CUX2: variants seen among roughly 807,000 people sequenced by gnomAD.
The protein encoded by CUX2 is cut like homeobox 2.
CUX2 carries 40 observed loss-of-function variants against 144.8 expected under a neutral mutation model. That is an observed-to-expected ratio of 0.28 (90% CI 0.21 to 0.36). CUX2 has a LOEUF of 0.36. CUX2 is among the 10% of genes least tolerant of loss of function. The pLI is 1.00. For missense variants in CUX2, 1,615 were observed against 1,994.0 expected (o/e 0.81, Z 3.62); for synonymous variants, 827 against 875.6 (o/e 0.94, Z 0.98).
chr12:111,035,177 G>A lies in CUX2; in HGVS notation c.63+937G>A, dbSNP rs1265287864. Among the ~76,000 whole-genome samples, 2 of 152,188 alleles carry A rather than the reference G, an allele frequency of 1.3e-5. No individual in the cohort carries two copies. The highest frequency in any genetic ancestry group is 2.4e-5 in the African/African-American group (1 of 41,454). Reference sequence around the variant, plus strand: ...TCTGCCTCCTGCGTTTCTCCCCGCTGCTCCCCTCGTCTCCTCTCTCCCGTC... The same window carrying A: ...TCTGCCTCCTGCGTTTCTCCCCGCTACTCCCCTCGTCTCCTCTCTCCCGTC... On this transcript the variant is annotated intron_variant, in intron 1 of 21. Transcript: ENST00000261726. This position sits in a 1 kb window ranked among gnomAD's most constrained non-coding sequence, Gnocchi z 6.0.
chr12:111,326,446 G>C (rs932008346), intron 18 of CUX2, among the ~76,000 whole-genome samples: 1 of 150,174 alleles, frequency 6.7e-6, no homozygotes, highest in Non-Finnish European at 1.5e-5. Context: ...TTATAGTCTT[G>C]TGGTGGGGTA....
At chr12:111,124,058 A>T (rs551840197) in intron 1 of CUX2, among the ~76,000 whole-genome samples, 1 of 152,334 alleles carries the variant, frequency 6.6e-6, no homozygotes, top group Admixed American at 6.5e-5. Flanking sequence ...TAGTACATTC[A>T]TAGTGTTGTG....
At chr12:111,272,884 A>G (rs1054359729) in intron 4 of CUX2, among the ~76,000 whole-genome samples, 1 of 152,202 alleles carries the variant, frequency 6.6e-6, no homozygotes, top group Non-Finnish European at 1.5e-5. Flanking sequence ...TCCTCCCAGC[A>G]GCTCAGGGTT....
At chr12:111,189,241 C>T (rs2136191868) in intron 1 of CUX2, among the ~76,000 whole-genome samples, 1 of 152,274 alleles carries the variant, frequency 6.6e-6, no homozygotes, top group Middle Eastern at 3.4e-3. Context: ...CTCTATACTC[C>T]AGCCTGGGTG....
rs1359905002 is a variant in CUX2 at position 111,249,437 on chromosome 12, C to CTT, written c.223-14318_223-14317dup. On this transcript the variant is annotated intron_variant, in intron 3 of 21. Coordinates refer to ENST00000261726, the MANE Select transcript of CUX2 (RefSeq NM_015267.4). ...TTTTTTTTTTTTAAATTAATAGACC[C>CTT]TTTTTTTGTTTTTTTTTTTTTTTTT... Among the ~76,000 whole-genome samples the CTT allele has an allele frequency of 5.1e-3, 518 of 101,158 alleles. 49 individuals are homozygous for CTT. The highest frequency in any genetic ancestry group is 0.023 in the African/African-American group (440 of 18,774). The allele number at this position is 101,158 out of a possible 152,430, so 66.4% of individuals were successfully genotyped here.
rs753515781 is a variant in CUX2, at chr12:111,320,082, C to T, written c.2073C>T (p.Asp691=). The T allele has an allele frequency of 6.4e-6, 10 of 1,555,930 alleles. No individual in the cohort carries two copies. The South Asian group carries it at 1.1e-4, about 16-fold the overall frequency. The change falls in exon 17 of 22, where the codon GAC becomes GAT. Residue 691 remains aspartate, a synonymous_variant. Transcript: ENST00000261726. The surrounding 1 kb of genome is among the most constrained non-coding windows in gnomAD (Gnocchi z 8.1). ...NGTTPASTSE[D]AIKSILEQAR... ...CGACCCCCGCCAGCACCTCGGAGGA[C>T]GCCATCAAGAGCATCCTGGAGCAGG...
At chr12:111,071,479 A>C (rs1275605745) in intron 1 of CUX2, among the ~76,000 whole-genome samples, 2 of 151,982 alleles carry the variant, frequency 1.3e-5, no homozygotes, top group African/African-American at 4.8e-5. Flanking sequence ...CTATTTTCTT[A>C]TTGTCAAGTT....
intron 1 of CUX2, among the ~76,000 whole-genome samples, chr12:111,058,824 C>T (rs1194583716): frequency 6.6e-6 from 1 of 152,152 alleles, no homozygotes; most frequent in African/African-American, 2.4e-5. Context: ...ACTCCATAGA[C>T]AGAGTAGGAC....
intron 1 of CUX2, 129 bp from the exon 2 acceptor site, chr12:111,214,071 T>G: frequency 2.1e-6 from 1 of 465,468 alleles, no homozygotes; most frequent in Non-Finnish European, 3.8e-6. Context: ...TATCCTGTCT[T>G]TTCTCAGCTT....
Position 111,338,332 on chromosome 12 carries a change from C to T in CUX2, c.3243C>T (p.Ser1081=), listed in dbSNP as rs1243621120. 9.3e-6 allele frequency: 15 copies of T among 1,613,790 alleles called. No individual in the cohort carries two copies. The highest frequency in any genetic ancestry group is 1.7e-5 in the Admixed American group (1 of 60,002). The change falls in exon 20 of 22, where the codon TCC becomes TCT. Residue 1081 remains serine, a synonymous_variant. Coordinates refer to ENST00000261726, the MANE Select transcript of CUX2 (RefSeq NM_015267.4). ...GCATCCTGGGTCTGACACAGGGCTCCGTGTCTGACCTGCTGTCCCGGCCCA... is the reference window on the plus strand; with the variant it reads ...GCATCCTGGGTCTGACACAGGGCTCTGTGTCTGACCTGCTGTCCCGGCCCA... ...GESILGLTQG[S]VSDLLSRPKP...
chr12:111,121,649 A>T (rs987534583), intron 1 of CUX2, among the ~76,000 whole-genome samples: 5 of 151,902 alleles, frequency 3.3e-5, no homozygotes, highest in Non-Finnish European at 5.9e-5. Context: ...GGTGTGAGCC[A>T]CTATGCCCGG....
In CUX2 at chr12:111,255,103, C is replaced by T. The variant is rs1197400178; in HGVS notation, c.223-8658C>T. Among the ~76,000 whole-genome samples, 1 of 152,188 alleles carries T rather than the reference C, an allele frequency of 6.6e-6. No individual in the cohort carries two copies. Among genetic ancestry groups the T allele is most frequent in the Non-Finnish European group, 1.5e-5 (1 of 68,050 alleles). ...CCCTCCGCCTCGGCCTCCCAAAGTG[C>T]TGGGATTACAGGCGTGAGCCACCGC... On this transcript the variant is annotated intron_variant, in intron 3 of 21. Coordinates refer to ENST00000261726, the MANE Select transcript of CUX2 (RefSeq NM_015267.4). This position sits in a 1 kb window ranked among gnomAD's most constrained non-coding sequence, Gnocchi z 4.1.
At chr12:111,084,470 T>C (rs1443791729) in intron 1 of CUX2, among the ~76,000 whole-genome samples, 1 of 152,162 alleles carries the variant, frequency 6.6e-6, no homozygotes, top group African/African-American at 2.4e-5. Context: ...TCTTTGTTTT[T>C]TCAAGGCCAA....
intron 3 of CUX2, among the ~76,000 whole-genome samples, chr12:111,257,587 T>C: frequency 1.0e-5 from 1 of 98,260 alleles, no homozygotes; most frequent in Non-Finnish European, 2.0e-5. Flanking sequence ...CTCTTTCCTC[T>C]CCCTCCTCCT....
rs188207487 is a variant in CUX2, at chr12:111,042,447, A to C, written c.63+8207A>C. On this transcript the variant is annotated intron_variant, in intron 1 of 21. Transcript: ENST00000261726. ...GGTGTGAGCTGCGGAATCAAGCCCT[A>C]CACCCTCCACCCCCAAAGACTACCT... Among the ~76,000 whole-genome samples the C allele has an allele frequency of 5.9e-5, 9 of 152,108 alleles. No individual in the cohort carries two copies. The East Asian group carries it at 1.4e-3, about 23-fold the overall frequency.
chr12:111,103,324 C>T (rs941628222), intron 1 of CUX2, among the ~76,000 whole-genome samples: 22 of 152,114 alleles, frequency 1.4e-4, no homozygotes, highest in African/African-American at 5.3e-4. Context: ...CAGAGTTGTT[C>T]CTGGGTGCTG....
At chr12:111,183,999 T>A (rs1879354415) in intron 1 of CUX2, among the ~76,000 whole-genome samples, 1 of 152,148 alleles carries the variant, frequency 6.6e-6, no homozygotes, top group Admixed American at 6.5e-5. Flanking sequence ...ATCGTCCGTA[T>A]CCTCTGCCTT....
At chr12:111,259,792 T>TAA (rs1884019631) in intron 3 of CUX2, among the ~76,000 whole-genome samples, 1 of 108,606 alleles carries the variant, frequency 9.2e-6, no homozygotes, top group African/African-American at 4.8e-5. Context: ...AGACTCTGTC[T>TAA]CAAAAAAAAA....
chr12:111,201,101 T>TC (rs1880557341), intron 1 of CUX2, among the ~76,000 whole-genome samples: 1 of 151,528 alleles, frequency 6.6e-6, no homozygotes, highest in Non-Finnish European at 1.5e-5. Flanking sequence ...TTTGAGGGCC[T>TC]CCCCTCTCAA....
Sources: gnomAD v4.1 joint callset for allele counts (sites outside exome capture counted in the v4.1 genomes callset) on GRCh38, gnomAD v4.1.1 for gene constraint, Gnocchi (gnomAD v3.1) non-coding constraint, MANE v1.5 for transcripts, NCBI Gene and HGNC (gene_info 2026-07-23, HGNC 2026-07-21) for gene names.